The following LGR5 variants were observed in gnomAD, a reference collection of about 807,000 sequenced individuals.
LGR5 encodes the protein leucine-rich repeat-containing G protein-coupled receptor 5.
A neutral mutation model predicts 76.7 loss-of-function variants in LGR5; 54 were observed. The ratio of observed to expected loss-of-function variants is 0.70; its 90% CI spans 0.57 to 0.88. The LOEUF is 0.88. Among genes scored for constraint, LGR5 ranks in the 40% least tolerant of loss-of-function variants. The pLI, the probability that LGR5 is intolerant of heterozygous loss-of-function variation, is 0.00. For missense variants in LGR5, 1,078 were observed against 1,073.3 expected (o/e 1.00, Z -0.06); for synonymous variants, 406 against 421.9 (o/e 0.96, Z 0.46).
chr12:71,445,906 T>C (rs1245229295), intron 1 of LGR5, among the ~76,000 whole-genome samples: 1 of 152,210 alleles, frequency 6.6e-6, no homozygotes, highest in Non-Finnish European at 1.5e-5. Context: ...GAGATTTACT[T>C]GGAGAGTATG....
intron 1 of LGR5, among the ~76,000 whole-genome samples, chr12:71,473,980 C>T (rs1451697907): frequency 2.6e-5 from 4 of 152,070 alleles, no homozygotes; most frequent in African/African-American, 9.7e-5. Flanking sequence ...TGCTGAGTGT[C>T]GAATATTACT....
intron 14 of LGR5, among the ~76,000 whole-genome samples, chr12:71,578,569 C>A (rs1359198155): frequency 1.3e-5 from 2 of 152,162 alleles, no homozygotes; most frequent in Non-Finnish European, 2.9e-5. Flanking sequence ...AAAAATGAAG[C>A]TGAATATAGA....
chr12:71,461,085 C>T (rs1218534172), intron 1 of LGR5, among the ~76,000 whole-genome samples: 3 of 152,294 alleles, frequency 2.0e-5, no homozygotes, highest in South Asian at 2.1e-4. Context: ...TGCACCTTTT[C>T]TGGTAGTAAG....
rs747564622 is a variant in LGR5 at position 71,583,887 on chromosome 12, G to A, written c.1877G>A (p.Arg626Gln). The change falls in exon 18 of 18, where the codon CGA (arginine) becomes CAA (glutamine). Residue 626 changes from arginine (R) to glutamine (Q), a missense_variant. Arg to Gln is a conservative substitution (Grantham distance 43, BLOSUM62 1). Transcript: ENST00000266674. ...GCGTTCACTTTTGGCAGCTTTGCAC[G>A]ACATGGTGCCTGGTGGGAGAATGGG... ...VDAFTFGSFA[R>Q]HGAWWENGVG... 2.5e-5 allele frequency: 41 copies of A among 1,614,146 alleles called. No homozygotes were observed. Among genetic ancestry groups the A allele is most frequent in the South Asian group, 6.6e-5 (6 of 91,076 alleles).
chr12:71,534,897 T>C lies in LGR5; in HGVS notation c.357-218T>C, dbSNP rs570251023. 2.0e-5 allele frequency among the ~76,000 whole-genome samples: 3 copies of C among 152,310 alleles called. No individual in the cohort carries two copies. In the East Asian group the frequency reaches 5.8e-4, roughly 29 times the overall value. On this transcript the variant is annotated intron_variant, in intron 3 of 17. Transcript: ENST00000266674. ...CATCTATCCCAAATTCATAGTTTTG[T>C]TTTTTATTCATAGTACTTATCACTT... is the stretch of plus-strand genomic sequence containing the variant.
At chr12:71,537,693 A>C (rs959195174) in intron 4 of LGR5, among the ~76,000 whole-genome samples, 4 of 152,180 alleles carry the variant, frequency 2.6e-5, no homozygotes, top group Non-Finnish European at 4.4e-5. Flanking sequence ...AGCACGTCTA[A>C]AAATAAAAAC....
intron 1 of LGR5, among the ~76,000 whole-genome samples, chr12:71,449,633 G>A (rs1267033061): frequency 2.0e-5 from 3 of 152,144 alleles, no homozygotes; most frequent in African/African-American, 7.2e-5. Flanking sequence ...GATATGTTCT[G>A]GTCCTGAATG....
chr12:71,502,001 T>C (rs1273897033), intron 1 of LGR5, among the ~76,000 whole-genome samples: 1 of 152,170 alleles, frequency 6.6e-6, no homozygotes, highest in Non-Finnish European at 1.5e-5. Context: ...TCATTGCTAT[T>C]AAAAGTTATT....
In LGR5 at chr12:71,583,791, T is replaced by C. The variant is rs1036762704; in HGVS notation, c.1781T>C (p.Leu594Pro). 1 of 1,614,072 alleles carries C rather than the reference T, an allele frequency of 6.2e-7. No individual in the cohort carries two copies. Among genetic ancestry groups the C allele is most frequent in the Non-Finnish European group, 8.5e-7 (1 of 1,179,992 alleles). ...CCTCTGTACATTTCCCCCATTAAAC[T>C]GTTAATTGGGGTCATCGCAGCAGTG... ...RSPLYISPIK[L>P]LIGVIAAVNM... The change falls in exon 18 of 18, where the codon CTG (leucine) becomes CCG (proline). Residue 594 changes from leucine (L) to proline (P), a missense_variant. Coordinates refer to ENST00000266674, the MANE Select transcript of LGR5 (RefSeq NM_003667.4).
chr12:71,559,378 C>T (rs1235300581), intron 6 of LGR5, among the ~76,000 whole-genome samples: 1 of 152,152 alleles, frequency 6.6e-6, no homozygotes, highest in Non-Finnish European at 1.5e-5. Flanking sequence ...TCAAATTTCT[C>T]ATGATTAGTC....
Position 71,556,809 on chromosome 12 carries a change from G to A in LGR5, c.716+119G>A, listed in dbSNP as rs1877794394. On this transcript the variant is annotated intron_variant, in intron 6 of 17. Coordinates refer to ENST00000266674, the MANE Select transcript of LGR5 (RefSeq NM_003667.4). ...TGGTTAATTGCCTAAGCTTTCAACA[G>A]ATATTTACAGTGGCATTATCTTACA... 5.3e-6 allele frequency: 4 copies of A among 748,642 alleles called. No individual in the cohort carries two copies. The African/African-American group carries it at 6.9e-5, about 13-fold the overall frequency. 46.4% of individuals were successfully genotyped at this position (748,642 alleles called of 1,614,324 possible).
At chr12:71,501,748 CT>C (rs1874616737) in intron 1 of LGR5, among the ~76,000 whole-genome samples, 1 of 151,944 alleles carries the variant, frequency 6.6e-6, no homozygotes, top group Admixed American at 6.6e-5. Flanking sequence ...TTTATTTCAC[CT>C]TTTTAGTAAT....
At position 71,440,507 on chromosome 12, in the gene LGR5, G is replaced by T. The variant is rs1871716104; in HGVS notation, c.212+215G>T. Among the ~76,000 whole-genome samples the T allele has an allele frequency of 1.3e-5, 2 of 152,218 alleles. No homozygotes were observed. The highest frequency in any genetic ancestry group is 2.4e-5 in the African/African-American group (1 of 41,466). The stretch of plus-strand genomic sequence containing the variant: ...CACTTTCTGGACCCGCAGAGAAATG[G>T]CTTCGAGTGCAACCCGGGAAAGCGC... On this transcript the variant is annotated intron_variant, in intron 1 of 17. Coordinates refer to ENST00000266674, the MANE Select transcript of LGR5 (RefSeq NM_003667.4). The surrounding 1 kb of genome is among the most constrained non-coding windows in gnomAD (Gnocchi z 5.3).
intron 4 of LGR5, among the ~76,000 whole-genome samples, chr12:71,550,482 AC>A (rs1233158132): frequency 9.3e-6 from 1 of 107,528 alleles, no homozygotes; most frequent in Non-Finnish European, 1.9e-5. Context: ...TTTTTTTAAG[AC>A]AGAGTCTCAC....
chr12:71,566,903 T>C lies in LGR5; in HGVS notation c.1061T>C (p.Leu354Pro). Residue 354 changes from leucine to proline, a missense_variant, in exon 11 of 18, where the codon CTC (leucine) becomes CCC (proline). Physicochemically the swap from Leu to Pro is moderately conservative, Grantham distance 98 (BLOSUM62 -3). Transcript: ENST00000266674. Reference sequence around the variant, plus strand: ...ACCGTCTGCAATCAGTTACCTAATCTCCAAGTGCTGTGCGTATCAGTAAGG... The same window carrying C: ...ACCGTCTGCAATCAGTTACCTAATCCCCAAGTGCTGTGCGTATCAGTAAGG... ...PQTVCNQLPNLQVLDLSYNLL... is the reference protein window; with the variant it reads ...PQTVCNQLPNPQVLDLSYNLL... The C allele has an allele frequency of 6.2e-7, 1 of 1,612,318 alleles. No homozygotes were observed. The highest frequency in any genetic ancestry group is 2.2e-5 in the East Asian group (1 of 44,864).
intron 9 of LGR5, 52 bp downstream of exon 9, chr12:71,566,527 A>AG (rs780757046): frequency 2.6e-6 from 4 of 1,544,302 alleles, no homozygotes. Flanking sequence ...GGTTGCTGTG[A>AG]AAAACCAAAT....
chr12:71,463,395 A>T (rs12313967), intron 1 of LGR5, among the ~76,000 whole-genome samples: 2,824 of 152,300 alleles, frequency 0.019, 99 homozygotes, highest in African/African-American at 0.065. Context: ...TAGCATTAGA[A>T]ACATTTGGGT....
At position 71,585,555 on chromosome 12, in the gene LGR5, G is replaced by A. The variant is rs550494122; in HGVS notation, c.*821G>A. On this transcript the variant is annotated 3_prime_UTR_variant, in exon 18 of 18. Transcript: ENST00000266674. ...GCCAGCAATGAACATACCTGGAAAA[G>A]AAAGTAAGCAATCTGGGATTTTTTT... The A allele has an allele frequency of 2.0e-5, 3 of 152,336 alleles. No homozygotes were observed. The highest frequency in any genetic ancestry group is 1.3e-4 in the Admixed American group (2 of 15,304). The allele number at this position is 152,336 out of a possible 1,614,324, so 9.4% of individuals were successfully genotyped here. A position where few individuals can be genotyped will look rare whatever the true frequency, so the allele number is the denominator to read the frequency against.
chr12:71,511,175 C>A (rs1875137542), intron 2 of LGR5, among the ~76,000 whole-genome samples: 1 of 152,168 alleles, frequency 6.6e-6, no homozygotes, highest in Non-Finnish European at 1.5e-5. Context: ...CGATAGGTGT[C>A]TGGGCGAGAA....
Sources: gnomAD v4.1 joint callset for allele counts (sites outside exome capture counted in the v4.1 genomes callset) on GRCh38, gnomAD v4.1.1 for gene constraint, Gnocchi (gnomAD v3.1) non-coding constraint, MANE v1.5 for transcripts, NCBI Gene and HGNC (gene_info 2026-07-23, HGNC 2026-07-21) for gene names.